The following EXOC4 variants were observed in gnomAD, a reference collection of about 807,000 sequenced individuals.
EXOC4 encodes SEC8-like 1.
EXOC4 carries 71 observed loss-of-function variants against 107.2 expected under a neutral mutation model. The observed-to-expected ratio is 0.66, with a 90% confidence interval of 0.55 to 0.81. The LOEUF (loss-of-function observed/expected upper bound fraction) is 0.81. Among genes scored for constraint, EXOC4 ranks in the 30% least tolerant of loss-of-function variants. The pLI is 0.00. For synonymous variants in EXOC4, 456 were observed against 441.2 expected (o/e 1.03, Z -0.42); for missense variants, 1,108 against 1,189.6 (o/e 0.93, Z 1.01).
At chr7:133,586,146 G>A (rs1801398307) in intron 9 of EXOC4, among the ~76,000 whole-genome samples, 1 of 152,078 alleles carries the variant, frequency 6.6e-6, no homozygotes, top group Non-Finnish European at 1.5e-5. Context: ...GGTAAATTGT[G>A]TGTCATGGGT....
At chr7:133,521,842 A>G (rs866873462) in intron 9 of EXOC4, among the ~76,000 whole-genome samples, 1 of 152,004 alleles carries the variant, frequency 6.6e-6, no homozygotes, top group Non-Finnish European at 1.5e-5. Context: ...GATGGTCTCG[A>G]TCTGCTGACC....
At chr7:133,471,132 C>G (rs1798865655) in intron 7 of EXOC4, among the ~76,000 whole-genome samples, 1 of 152,116 alleles carries the variant, frequency 6.6e-6, no homozygotes, top group African/African-American at 2.4e-5. Context: ...AAAATTCTGG[C>G]CGGGTGTGCT....
intron 10 of EXOC4, among the ~76,000 whole-genome samples, chr7:133,652,042 A>G (rs1342964017): frequency 2.6e-5 from 4 of 152,180 alleles, no homozygotes; most frequent in Admixed American, 2.6e-4. Flanking sequence ...TGGCTTAGAA[A>G]TAAACGGGAA....
intron 5 of EXOC4, among the ~76,000 whole-genome samples, chr7:133,326,467 G>A (rs1003717970): frequency 6.6e-6 from 1 of 152,190 alleles, no homozygotes; most frequent in African/African-American, 2.4e-5. Context: ...GTTTGCCGGA[G>A]GTCTACTCCA....
At chr7:133,812,510 G>A (rs575423046) in intron 10 of EXOC4, among the ~76,000 whole-genome samples, 22 of 152,188 alleles carry the variant, frequency 1.4e-4, no homozygotes, top group Admixed American at 3.9e-4. Flanking sequence ...CACTGAGTGA[G>A]GTTCATCTCC....
At chr7:133,763,352 T>C (rs947803624) in intron 10 of EXOC4, among the ~76,000 whole-genome samples, 1 of 152,124 alleles carries the variant, frequency 6.6e-6, no homozygotes, top group Non-Finnish European at 1.5e-5. Context: ...CCCTTTCACC[T>C]AGCACAGTCC....
intron 11 of EXOC4, among the ~76,000 whole-genome samples, chr7:133,831,990 A>T (rs959123313): frequency 1.6e-4 from 25 of 152,182 alleles, no homozygotes; most frequent in African/African-American, 6.0e-4. Flanking sequence ...ACCATCTCCC[A>T]TTAATTTACT....
intron 5 of EXOC4, among the ~76,000 whole-genome samples, chr7:133,335,089 C>T (rs759844406): frequency 3.9e-5 from 6 of 152,146 alleles, no homozygotes; most frequent in Admixed American, 6.5e-5. Context: ...ATAACATGCA[C>T]GTGCATTTTC....
At chr7:133,841,345 G>A (rs1798021323) in intron 11 of EXOC4, among the ~76,000 whole-genome samples, 1 of 152,210 alleles carries the variant, frequency 6.6e-6, no homozygotes, top group Admixed American at 6.5e-5. Context: ...CACTGAAGAT[G>A]TGAAGGGTGG....
chr7:133,654,131 A>G (rs367606377), intron 10 of EXOC4, among the ~76,000 whole-genome samples: 4 of 152,302 alleles, frequency 2.6e-5, no homozygotes, highest in African/African-American at 9.6e-5. Context: ...CACCGGTTCT[A>G]TGCATGTGTG....
intron 1 of EXOC4, among the ~76,000 whole-genome samples, chr7:133,261,561 C>G (rs1213613140): frequency 6.6e-6 from 1 of 152,272 alleles, no homozygotes; most frequent in African/African-American, 2.4e-5. Context: ...TGAGTTGATG[C>G]TAGACATTGT....
intron 1 of EXOC4, among the ~76,000 whole-genome samples, chr7:133,262,007 T>G (rs1018836468): frequency 6.6e-6 from 1 of 152,194 alleles, no homozygotes; most frequent in African/African-American, 2.4e-5. Flanking sequence ...ATTACTGCCC[T>G]GCAGATTCTA....
At chr7:133,661,689 C>CAAAAAAAAAAAAAAAAAAAAA (rs869078453) in intron 10 of EXOC4, among the ~76,000 whole-genome samples, 1 of 23,626 alleles carries the variant, frequency 4.2e-5, no homozygotes, top group Non-Finnish European at 7.9e-5. Context: ...AAAAAAAAAA[C>CAAAAAAAAAAAAAAAAAAAAA]AAAAAAAAAA....
intron 5 of EXOC4, among the ~76,000 whole-genome samples, chr7:133,340,442 G>T (rs1296660594): frequency 1.4e-5 from 2 of 142,840 alleles, no homozygotes; most frequent in African/African-American, 2.6e-5. Flanking sequence ...TTTTTTTTGA[G>T]GATTTTTGTA....
intron 9 of EXOC4, among the ~76,000 whole-genome samples, chr7:133,552,394 A>G (rs147819472): frequency 1.3e-5 from 2 of 152,336 alleles, no homozygotes; most frequent in African/African-American, 4.8e-5. Context: ...CTGTCACGCA[A>G]AAACAAAAAG....
intron 11 of EXOC4, among the ~76,000 whole-genome samples, chr7:133,861,003 G>A (rs1798521900): frequency 6.6e-6 from 1 of 152,066 alleles, no homozygotes. Flanking sequence ...GAATGCCCTT[G>A]GACCCATCCA....
At chr7:133,764,296 T>C (rs942163128) in intron 10 of EXOC4, among the ~76,000 whole-genome samples, 1 of 152,076 alleles carries the variant, frequency 6.6e-6, no homozygotes, top group African/African-American at 2.4e-5. Flanking sequence ...GTTCACAGTC[T>C]AATAATTTTT....
intron 10 of EXOC4, among the ~76,000 whole-genome samples, chr7:133,649,746 A>G (rs187024747): frequency 2.6e-5 from 4 of 152,210 alleles, no homozygotes; most frequent in South Asian, 2.1e-4. Flanking sequence ...CCTTATTTCT[A>G]CTGCTGCCTG....
rs543474140 is a variant in EXOC4, at chr7:133,271,065, C to T, written c.87-3917C>T. On this transcript the variant is annotated intron_variant, in intron 1 of 17. Transcript: ENST00000253861. ...TCCCGAATAACTGGGACAACAGGCA[C>T]GGGCCATTGCGCCTGGCTAATTTTT... 8.9e-4 allele frequency among the ~76,000 whole-genome samples: 135 copies of T among 152,064 alleles called. 1 individual carries two copies. The highest frequency in any genetic ancestry group is 2.9e-3 in the African/African-American group (120 of 41,498).
Sources: gnomAD v4.1 joint callset for allele counts (sites outside exome capture counted in the v4.1 genomes callset) on GRCh38, gnomAD v4.1.1 for gene constraint, MANE v1.5 for transcripts, NCBI Gene and HGNC (gene_info 2026-07-23, HGNC 2026-07-21) for gene names.